The following CNTNAP2 variants were observed in gnomAD, a reference collection of about 807,000 sequenced individuals.
CNTNAP2 encodes contactin associated protein 2, also known as contactin-associated protein-like 2.
In CNTNAP2, 98 loss-of-function variants were observed where a neutral mutation model predicts 155.2. The ratio of observed to expected loss-of-function variants is 0.63; its 90% CI spans 0.54 to 0.75. The LOEUF (loss-of-function observed/expected upper bound fraction) is 0.75, where lower values mean the gene tolerates loss of function less well. Among genes scored for constraint, CNTNAP2 ranks in the 30% least tolerant of loss-of-function variants. The probability of loss-of-function intolerance (pLI) is 0.00; values close to 1 mark genes in which losing one functional copy is unlikely to be tolerated. For synonymous variants in CNTNAP2, 651 were observed against 631.2 expected, an observed-to-expected ratio of 1.03 and a Z score of -0.47; for missense variants, 1,727 against 1,688.1, an observed-to-expected ratio of 1.02 and a Z score of -0.40.
chr7:147,086,779 T>C (rs200223177), intron 4 of CNTNAP2, among the ~76,000 whole-genome samples: 1 of 152,134 alleles, frequency 6.6e-6, no homozygotes, highest in East Asian at 1.9e-4. Flanking sequence ...TCATGTAACA[T>C]GTAGCACTTT....
At chr7:146,855,385 T>A (rs1206439902) in intron 3 of CNTNAP2, among the ~76,000 whole-genome samples, 1 of 152,170 alleles carries the variant, frequency 6.6e-6, no homozygotes, top group East Asian at 1.9e-4. Context: ...CGCACAAAGT[T>A]ATTTCTTGCC....
intron 21 of CNTNAP2, among the ~76,000 whole-genome samples, chr7:148,305,053 C>CAAA (rs71188964): frequency 2.7e-5 from 3 of 109,764 alleles, no homozygotes; most frequent in South Asian, 3.3e-4. Context: ...CCTGTCTCTA[C>CAAA]AAAAAAAAAA....
intron 14 of CNTNAP2, among the ~76,000 whole-genome samples, chr7:147,944,638 T>A (rs184019566): frequency 6.9e-4 from 105 of 152,358 alleles, no homozygotes; most frequent in African/African-American, 2.3e-3. Flanking sequence ...TTAAAATCGG[T>A]AATTACTTTT....
chr7:147,472,204 CTTTTTTTTTTTTT>C (rs542047274), intron 10 of CNTNAP2, among the ~76,000 whole-genome samples: 1 of 81,070 alleles, frequency 1.2e-5, no homozygotes, highest in Non-Finnish European at 2.3e-5. Flanking sequence ...TCTTTTTTTC[CTTTTTTTTTTTTT>C]TTTTTTTTTT....
At position 147,466,487 on chromosome 7, in the gene CNTNAP2, T is replaced by C. The variant is rs367703298; in HGVS notation, c.1671-19448T>C. On this transcript the variant is annotated intron_variant, in intron 10 of 23. Transcript: ENST00000361727. ...CTTTGGGGAAGAGGGATTCTAGTTTTTATGACTAACCTTGGGGGATAATAG... is the reference window on the plus strand; with the variant it reads ...CTTTGGGGAAGAGGGATTCTAGTTTCTATGACTAACCTTGGGGGATAATAG... 1.1e-4 allele frequency among the ~76,000 whole-genome samples: 17 copies of C among 152,278 alleles called. 2 individuals are homozygous for C. Among genetic ancestry groups the C allele is most frequent in the African/African-American group, 4.1e-4 (17 of 41,550 alleles).
intron 1 of CNTNAP2, among the ~76,000 whole-genome samples, chr7:146,158,730 A>C (rs956311216): frequency 1.3e-5 from 2 of 152,228 alleles, no homozygotes; most frequent in Non-Finnish European, 2.9e-5. Flanking sequence ...CTTCCAAGAA[A>C]TATGGGACTA....
chr7:147,147,168 G>C (rs1388776254), intron 8 of CNTNAP2, among the ~76,000 whole-genome samples: 1 of 152,106 alleles, frequency 6.6e-6, no homozygotes. Context: ...GAGTAGCGAA[G>C]GGGAAAGACC....
At chr7:147,308,312 G>A (rs1795067359) in intron 9 of CNTNAP2, among the ~76,000 whole-genome samples, 1 of 152,152 alleles carries the variant, frequency 6.6e-6, no homozygotes, top group African/African-American at 2.4e-5. Context: ...TGGACCGAGT[G>A]AATCTAGTTT....
At position 147,135,752 on chromosome 7, in the gene CNTNAP2, G is replaced by A. The variant is rs141684375; in HGVS notation, c.1348+3243G>A. On this transcript the variant is annotated intron_variant, in intron 8 of 23. Transcript: ENST00000361727. ...CTATTTTAGATGCACTATGATAAGT[G>A]TGATATTTTCTTTTCTTTTGCTTTA... 3.2e-3 allele frequency among the ~76,000 whole-genome samples: 486 copies of A among 149,630 alleles called. 3 individuals carry two copies. The highest frequency in any genetic ancestry group is 0.011 in the African/African-American group (463 of 40,692).
intron 1 of CNTNAP2, among the ~76,000 whole-genome samples, chr7:146,297,938 A>C (rs1371460045): frequency 6.6e-6 from 1 of 152,228 alleles, no homozygotes; most frequent in East Asian, 1.9e-4. Context: ...ATGAACTGCT[A>C]GCACAAATAT....
chr7:147,775,565 CAG>C (rs1797572276), intron 13 of CNTNAP2, among the ~76,000 whole-genome samples: 1 of 149,878 alleles, frequency 6.7e-6, no homozygotes, highest in South Asian at 2.1e-4. Flanking sequence ...TAATGCTACT[CAG>C]AATTTTATTG....
intron 20 of CNTNAP2, among the ~76,000 whole-genome samples, chr7:148,233,358 T>C (rs894172104): frequency 4.6e-5 from 7 of 151,714 alleles, no homozygotes; most frequent in Admixed American, 2.0e-4. Flanking sequence ...TTAAATGAAA[T>C]AGAGAGTTAA....
At position 146,632,095 on chromosome 7, in the gene CNTNAP2, A is replaced by G. The variant is rs1585015843; in HGVS notation, c.98-142176A>G. On this transcript the variant is annotated intron_variant, in intron 1 of 23. Coordinates refer to ENST00000361727, the MANE Select transcript of CNTNAP2 (RefSeq NM_014141.6). Reference sequence around the variant, plus strand: ...TTTGGTCTCACAGGAGTGATGATGGACATGTCACTATGCGTCTGTATGCTT... The same window carrying G: ...TTTGGTCTCACAGGAGTGATGATGGGCATGTCACTATGCGTCTGTATGCTT... Among the ~76,000 whole-genome samples, 6 of 152,192 alleles carry G rather than the reference A, an allele frequency of 3.9e-5. 1 individual carries two copies. The highest frequency in any genetic ancestry group is 3.9e-4 in the Admixed American group (6 of 15,272).
At chr7:146,833,439 C>T (rs1489342174) in intron 2 of CNTNAP2, among the ~76,000 whole-genome samples, 1 of 151,994 alleles carries the variant, frequency 6.6e-6, no homozygotes, top group Non-Finnish European at 1.5e-5. Flanking sequence ...CATTTTGGGA[C>T]TTTCTCTACT....
intron 13 of CNTNAP2, among the ~76,000 whole-genome samples, chr7:147,797,726 C>G (rs10266920): frequency 6.6e-6 from 1 of 151,990 alleles, no homozygotes; most frequent in Non-Finnish European, 1.5e-5. Flanking sequence ...TGAGAAATAT[C>G]TTTTGTGTGA....
At chr7:146,313,259 A>G (rs1320207472) in intron 1 of CNTNAP2, among the ~76,000 whole-genome samples, 1 of 152,206 alleles carries the variant, frequency 6.6e-6, no homozygotes, top group East Asian at 1.9e-4. Context: ...TCTAATGGGC[A>G]TGTGGTGATA....
intron 17 of CNTNAP2, among the ~76,000 whole-genome samples, chr7:148,160,980 C>T (rs1585159079): frequency 6.6e-6 from 1 of 152,260 alleles, no homozygotes; most frequent in South Asian, 2.1e-4. Flanking sequence ...TTATTCATTC[C>T]TATTGTCTTC....
intron 13 of CNTNAP2, among the ~76,000 whole-genome samples, chr7:147,773,903 T>C (rs1563083866): frequency 6.6e-6 from 1 of 152,304 alleles, no homozygotes; most frequent in East Asian, 1.9e-4. Context: ...CTCTTAAACT[T>C]CATCTCCTAC....
At chr7:147,733,069 G>C (rs1316729383) in intron 13 of CNTNAP2, among the ~76,000 whole-genome samples, 2 of 152,132 alleles carry the variant, frequency 1.3e-5, no homozygotes, top group Non-Finnish European at 2.9e-5. Context: ...TGGCTTTGTT[G>C]CCATTGCTTT....
Sources: gnomAD v4.1 joint callset for allele counts (sites outside exome capture counted in the v4.1 genomes callset) on GRCh38, gnomAD v4.1.1 for gene constraint, MANE v1.5 for transcripts, NCBI Gene and HGNC (gene_info 2026-07-23, HGNC 2026-07-21) for gene names.